Variants in IGSF3 observed in about 807,000 individuals in gnomAD.
The protein encoded by IGSF3 is immunoglobulin superfamily member 3.
In IGSF3, 23 loss-of-function variants were observed where a neutral mutation model predicts 114.4. The ratio of observed to expected loss-of-function variants is 0.20; its 90% CI spans 0.14 to 0.28. IGSF3 has a LOEUF of 0.28. IGSF3 is among the 10% of genes least tolerant of loss of function. The pLI, the probability that IGSF3 is intolerant of heterozygous loss-of-function variation, is 1.00. For synonymous variants in IGSF3, 571 were observed against 645.2 expected, an observed-to-expected ratio of 0.88 and a Z score of 1.74; for missense variants, 1,172 against 1,591.5, an observed-to-expected ratio of 0.74 and a Z score of 4.48.
chr1:116,660,473 G>GCTTTT (rs1248914597), intron 2 of IGSF3, among the ~76,000 whole-genome samples: 4 of 141,914 alleles, frequency 2.8e-5, no homozygotes, highest in African/African-American at 8.2e-5. Context: ...GCCTATGTAT[G>GCTTTT]CTTTTCTTTT....
In IGSF3 at chr1:116,636,219, T is replaced by G. The variant is rs895647603; in HGVS notation, c.44-19762A>C. Among the ~76,000 whole-genome samples the G allele has an allele frequency of 4.6e-5, 7 of 152,152 alleles. No homozygotes were observed. The highest frequency in any genetic ancestry group is 1.4e-4 in the African/African-American group (6 of 41,444). Reference sequence around the variant, plus strand: ...TCCCCATACCGAGTCTACCATTCCTTCCCTGATCAAAGTTGCTTTCACAGG... The same window carrying G: ...TCCCCATACCGAGTCTACCATTCCTGCCCTGATCAAAGTTGCTTTCACAGG... On this transcript the variant is annotated intron_variant, in intron 2 of 10. Transcript: ENST00000369486. This position sits in a 1 kb window ranked among gnomAD's most constrained non-coding sequence, Gnocchi z 4.5.
rs760822819 is a variant in IGSF3 at position 116,612,022 on chromosome 1, A to T, written c.832+1743T>A. 2.6e-5 allele frequency among the ~76,000 whole-genome samples: 4 copies of T among 152,224 alleles called. No individual in the cohort carries two copies. The highest frequency in any genetic ancestry group is 4.4e-5 in the Non-Finnish European group (3 of 68,048). On this transcript the variant is annotated intron_variant, in intron 4 of 10. Coordinates refer to ENST00000369486, the MANE Select transcript of IGSF3 (RefSeq NM_001007237.3). This position sits in a 1 kb window ranked among gnomAD's most constrained non-coding sequence, Gnocchi z 4.1. Reference sequence around the variant, plus strand: ...CACAGGAATGCAGGGTGAAGTCATCAACTTTTTTTTCACTTAGTTTTCCTT... The same window carrying T: ...CACAGGAATGCAGGGTGAAGTCATCTACTTTTTTTTCACTTAGTTTTCCTT...
chr1:116,590,381 A>G (rs1660059078), intron 7 of IGSF3, among the ~76,000 whole-genome samples: 2 of 152,054 alleles, frequency 1.3e-5, no homozygotes, highest in East Asian at 1.9e-4. Context: ...GAAAAAAAAA[A>G]AACAAAAAAA....
rs141979747 is a variant in IGSF3 at position 116,585,664 on chromosome 1, G to A, written c.2441-612C>T. On this transcript the variant is annotated intron_variant, in intron 8 of 10. Coordinates refer to ENST00000369486, the MANE Select transcript of IGSF3 (RefSeq NM_001007237.3). This position sits in a 1 kb window ranked among gnomAD's most constrained non-coding sequence, Gnocchi z 4.9. The stretch of plus-strand genomic sequence containing the variant: ...CTGCCAGACAAGGTGGCTCACGCCT[G>A]TAATCCCAGCACTTTGGGACGCCGA... Among the ~76,000 whole-genome samples the A allele has an allele frequency of 3.9e-5, 6 of 152,340 alleles. 1 individual carries two copies. The highest frequency in any genetic ancestry group is 1.4e-4 in the African/African-American group (6 of 41,578).
chr1:116,587,805 A>G (rs906220420), intron 8 of IGSF3, among the ~76,000 whole-genome samples: 2 of 152,192 alleles, frequency 1.3e-5, no homozygotes, highest in Non-Finnish European at 2.9e-5. Context: ...GAAGGCACGG[A>G]GATGAGGCTC....
In IGSF3 at chr1:116,575,527, G is replaced by C. The variant is rs900052422; in HGVS notation, c.*1785C>G. The C allele has an allele frequency of 6.6e-6, 1 of 152,300 alleles. No homozygotes were observed. The highest frequency in any genetic ancestry group is 2.4e-5 in the African/African-American group (1 of 41,438). 9.4% of individuals were successfully genotyped at this position (152,300 alleles called of 1,614,324 possible). On this transcript the variant is annotated 3_prime_UTR_variant, in exon 11 of 11. Transcript: ENST00000369486. The surrounding 1 kb of genome is among the most constrained non-coding windows in gnomAD (Gnocchi z 5.6). ...AGGATCAGCACAGACACTGGCCTGG[G>C]GAATCCCATGGCCTCCCCTGCAGTC...
At chr1:116,601,558 A>G (rs1243772143) in intron 6 of IGSF3, among the ~76,000 whole-genome samples, 1 of 152,220 alleles carries the variant, frequency 6.6e-6, no homozygotes, top group Non-Finnish European at 1.5e-5. Context: ...ATATTTTGTT[A>G]AAAATAAAAT....
Position 116,634,936 on chromosome 1 carries a change from G to A in IGSF3, c.44-18479C>T, listed in dbSNP as rs1392333523. ...TACCCCACAGGAGAGACAAGGTGAA[G>A]AGAATGAGATGCCAGTCTCCACTGC... On this transcript the variant is annotated intron_variant, in intron 2 of 10. Transcript: ENST00000369486. The surrounding 1 kb of genome is among the most constrained non-coding windows in gnomAD (Gnocchi z 4.2). 6.6e-6 allele frequency among the ~76,000 whole-genome samples: 1 copy of A among 152,170 alleles called. No individual in the cohort carries two copies. The highest frequency in any genetic ancestry group is 1.5e-5 in the Non-Finnish European group (1 of 68,024).
At chr1:116,617,342 C>A (rs4044844) in intron 2 of IGSF3, 1 of 985,460 alleles carries the variant, frequency 1.0e-6, no homozygotes, top group Non-Finnish European at 1.2e-6. Flanking sequence ...CAACTCAACA[C>A]TGATTGTGCC....
rs1427548363 is a variant in IGSF3 at position 116,605,933 on chromosome 1, T to G, written c.1223-1908A>C. Among the ~76,000 whole-genome samples, 2 of 152,186 alleles carry G rather than the reference T, an allele frequency of 1.3e-5. No individual in the cohort carries two copies. The highest frequency in any genetic ancestry group is 2.4e-5 in the African/African-American group (1 of 41,446). On this transcript the variant is annotated intron_variant, in intron 5 of 10. Coordinates refer to ENST00000369486, the MANE Select transcript of IGSF3 (RefSeq NM_001007237.3). This position sits in a 1 kb window ranked among gnomAD's most constrained non-coding sequence, Gnocchi z 5.1. ...AAGGGCTACTGTTTGGTGGTGTCTG[T>G]TGCTTGAGCAAGCCTGGAAACCCAC...
At chr1:116,663,061 C>T (rs1407099020) in intron 2 of IGSF3, among the ~76,000 whole-genome samples, 2 of 152,234 alleles carry the variant, frequency 1.3e-5, no homozygotes, top group Admixed American at 6.5e-5. Context: ...TCTACAGGTT[C>T]TCAGATGTCC....
rs537762769 is a variant in IGSF3 at position 116,636,450 on chromosome 1, T to G, written c.44-19993A>C. 2.8e-4 allele frequency among the ~76,000 whole-genome samples: 43 copies of G among 152,312 alleles called. No homozygotes were observed. In the East Asian group the frequency reaches 6.6e-3, roughly 23 times the overall value. On this transcript the variant is annotated intron_variant, in intron 2 of 10. Transcript: ENST00000369486. This position sits in a 1 kb window ranked among gnomAD's most constrained non-coding sequence, Gnocchi z 4.5. ...TCCAATAGCATGAAGTAGACAATGATGTTCTTAGCATCCAGTCTTAAAACT... is the reference window on the plus strand; with the variant it reads ...TCCAATAGCATGAAGTAGACAATGAGGTTCTTAGCATCCAGTCTTAAAACT...
In IGSF3 at chr1:116,595,377, A is replaced by C. The variant is rs1399895198; in HGVS notation, c.2029+4564T>G. ...TGGGATGGAAGAAGGAGAACCCCAG[A>C]CTCCCCTGAAAGAAGGCAGAGGCCA... is the stretch of plus-strand genomic sequence containing the variant. On this transcript the variant is annotated intron_variant, in intron 7 of 10. Transcript: ENST00000369486. The surrounding 1 kb of genome is among the most constrained non-coding windows in gnomAD (Gnocchi z 4.2). Among the ~76,000 whole-genome samples the C allele has an allele frequency of 6.6e-6, 1 of 151,520 alleles. No individual in the cohort carries two copies. Among genetic ancestry groups the C allele is most frequent in the East Asian group, 1.9e-4 (1 of 5,148 alleles).
At position 116,579,565 on chromosome 1, in the gene IGSF3, C is replaced by T. The variant is rs553592752; in HGVS notation, c.3161G>A (p.Arg1054His). Residue 1054 changes from arginine to histidine, a missense_variant, in exon 10 of 11, where the codon CGC becomes CAC. By Grantham distance (29) the Arg-to-His change is conservative (BLOSUM62 0). Transcript: ENST00000369486. This position sits in a 1 kb window ranked among gnomAD's most constrained non-coding sequence, Gnocchi z 6.4. ...GAGCACCGGGGAGAGCCTCTGGAAG[C>T]GAAGCCTGCCCTCCCAAGGACTGCC... Reference protein sequence around the residue: ...PEGSPWEGRLRFQRLSPVLYR... With the variant: ...PEGSPWEGRLHFQRLSPVLYR... 26 of 1,614,144 alleles carry T rather than the reference C, an allele frequency of 1.6e-5. No homozygotes were observed. In the East Asian group the frequency reaches 3.8e-4, roughly 24 times the overall value.
At chr1:116,639,975 G>C in intron 2 of IGSF3, among the ~76,000 whole-genome samples, 1 of 149,752 alleles carries the variant, frequency 6.7e-6, no homozygotes, top group East Asian at 2.0e-4. Flanking sequence ...AGGAGACAGA[G>C]GTTGCAATGA....
intron 4 of IGSF3, among the ~76,000 whole-genome samples, chr1:116,608,607 G>A (rs947242552): frequency 6.6e-6 from 1 of 152,214 alleles, no homozygotes; most frequent in African/African-American, 2.4e-5. Context: ...GGCTCAGTCT[G>A]AAGCTTTAGA....
Position 116,603,655 on chromosome 1 carries a change from C to A in IGSF3, c.1593G>T (p.Arg531=). ...CTGTGATGGAGATGGGAGTGCTGGC[C>A]CGGCGCTCCCCAACAATCTGCCACT... ...DGEWQIVGER[R]ASTPISITAL... is the part of the protein sequence containing the mutation. Residue 531 remains arginine, a synonymous_variant, in exon 6 of 11, where the codon CGG becomes CGT. Transcript: ENST00000369486. This position sits in a 1 kb window ranked among gnomAD's most constrained non-coding sequence, Gnocchi z 7.1. 6.2e-7 allele frequency: 1 copy of A among 1,613,822 alleles called. No homozygotes were observed. Among genetic ancestry groups the A allele is most frequent in the Non-Finnish European group, 8.5e-7 (1 of 1,179,826 alleles).
rs934169894 is a variant in IGSF3 at position 116,665,009 on chromosome 1, T to G, written c.43+1275A>C. Among the ~76,000 whole-genome samples, 8 of 152,248 alleles carry G rather than the reference T, an allele frequency of 5.3e-5. No individual in the cohort carries two copies. Among genetic ancestry groups the G allele is most frequent in the Admixed American group, 3.9e-4 (6 of 15,290 alleles). On this transcript the variant is annotated intron_variant, in intron 2 of 10. Coordinates refer to ENST00000369486, the MANE Select transcript of IGSF3 (RefSeq NM_001007237.3). This position sits in a 1 kb window ranked among gnomAD's most constrained non-coding sequence, Gnocchi z 4.0. ...ATGCACACGAGAGTTTGAGAACCACTGATTGCACAAATCTATTATGAGTTT... is the reference window on the plus strand; with the variant it reads ...ATGCACACGAGAGTTTGAGAACCACGGATTGCACAAATCTATTATGAGTTT...
chr1:116,626,971 A>G (rs1647313533), intron 2 of IGSF3, among the ~76,000 whole-genome samples: 1 of 152,260 alleles, frequency 6.6e-6, no homozygotes, highest in Non-Finnish European at 1.5e-5. Context: ...AGAAATGCTT[A>G]TAAGTAAATA....
Sources: allele counts gnomAD v4.1 joint callset (sites outside exome capture counted in the v4.1 genomes callset), GRCh38; gene constraint gnomAD v4.1.1; non-coding constraint Gnocchi (gnomAD v3.1); transcripts MANE v1.5; gene names NCBI Gene and HGNC (gene_info 2026-07-23, HGNC 2026-07-21).